The following FKBP5 variants were observed in gnomAD, a reference collection of about 807,000 sequenced individuals.
FKBP5 encodes peptidyl-prolyl cis-trans isomerase FKBP5.
FKBP5 carries 23 observed loss-of-function variants against 50.5 expected under a neutral mutation model. The ratio of observed to expected loss-of-function variants is 0.46; its 90% CI spans 0.33 to 0.65. The LOEUF (loss-of-function observed/expected upper bound fraction) is 0.65, where lower values mean the gene tolerates loss of function less well. FKBP5 is among the 30% of genes least tolerant of loss of function. The pLI, the probability that FKBP5 is intolerant of heterozygous loss-of-function variation, is 0.02. For synonymous variants in FKBP5, 176 were observed against 190.6 expected, an observed-to-expected ratio of 0.92 and a Z score of 0.63; for missense variants, 411 against 553.1, an observed-to-expected ratio of 0.74 and a Z score of 2.58.
chr6:35,592,315 CTT>C (rs920147364), intron 6 of FKBP5, among the ~76,000 whole-genome samples: 2 of 152,166 alleles, frequency 1.3e-5, no homozygotes, highest in African/African-American at 2.4e-5. Flanking sequence ...GCACCACTTT[CTT>C]TACCCTTTGC....
chr6:35,697,167 AG>A (rs1581892421), intron 2 of FKBP5, among the ~76,000 whole-genome samples: 1 of 152,232 alleles, frequency 6.6e-6, no homozygotes, highest in East Asian at 1.9e-4. Flanking sequence ...GATAGCCAAA[AG>A]GTGGGCCCAA....
intron 8 of FKBP5, chr6:35,581,576 C>T (rs1191084030): frequency 1.1e-5 from 11 of 972,392 alleles, no homozygotes; most frequent in African/African-American, 5.7e-5. Context: ...GGTGACAGAG[C>T]GAGACTCCTC....
intron 8 of FKBP5, chr6:35,583,187 G>A: frequency 1.0e-6 from 1 of 985,406 alleles, no homozygotes; most frequent in Non-Finnish European, 1.2e-6. Flanking sequence ...GAGATAGGAA[G>A]GACAGGCATT....
chr6:35,673,807 A>G (rs1765456234), intron 1 of FKBP5, among the ~76,000 whole-genome samples: 1 of 152,152 alleles, frequency 6.6e-6, no homozygotes, highest in Non-Finnish European at 1.5e-5. Flanking sequence ...GCTTAATAGT[A>G]ATAACAGAAA....
intron 5 of FKBP5, among the ~76,000 whole-genome samples, chr6:35,601,248 A>G (rs1763135962): frequency 6.6e-6 from 1 of 152,244 alleles, no homozygotes; most frequent in South Asian, 2.1e-4. Context: ...CCCAGTTTAT[A>G]TAAAAAACCA....
intron 1 of FKBP5, among the ~76,000 whole-genome samples, chr6:35,653,946 AT>A (rs1007644663): frequency 6.6e-5 from 10 of 152,166 alleles, no homozygotes; most frequent in African/African-American, 9.6e-5. Flanking sequence ...CTTAAAAAAA[AT>A]AATAAAAATA....
chr6:35,683,399 G>A (rs1765735916), intron 1 of FKBP5, among the ~76,000 whole-genome samples: 1 of 151,420 alleles, frequency 6.6e-6, no homozygotes, highest in South Asian at 2.1e-4. Flanking sequence ...CAACCCTCCT[G>A]CCTTGGCTTC....
intron 1 of FKBP5, among the ~76,000 whole-genome samples, chr6:35,687,818 T>C (rs1424288209): frequency 1.3e-5 from 2 of 152,202 alleles, no homozygotes; most frequent in Non-Finnish European, 2.9e-5. Context: ...CGCTTACAAC[T>C]TGAAACTTAC....
At chr6:35,634,004 A>G (rs555784545) in intron 3 of FKBP5, among the ~76,000 whole-genome samples, 1 of 152,346 alleles carries the variant, frequency 6.6e-6, no homozygotes, top group South Asian at 2.1e-4. Context: ...TATTTAAAAA[A>G]AATAACTCAG....
intron 1 of FKBP5, among the ~76,000 whole-genome samples, chr6:35,666,372 G>A (rs1765216177): frequency 1.7e-5 from 1 of 57,708 alleles, no homozygotes; most frequent in Admixed American, 2.1e-4. Flanking sequence ...AAAAATACAT[G>A]CAGAAACACT....
intron 2 of FKBP5, among the ~76,000 whole-genome samples, chr6:35,702,234 C>T (rs986077519): frequency 2.0e-5 from 3 of 152,018 alleles, no homozygotes; most frequent in Admixed American, 6.6e-5. Context: ...CTCACTATCT[C>T]GTTAGGTTTT....
chr6:35,676,856 G>T (rs114260876), intron 1 of FKBP5, among the ~76,000 whole-genome samples: 5,416 of 152,190 alleles, frequency 0.036, 304 homozygotes, highest in African/African-American at 0.12. Flanking sequence ...CACCCATTTG[G>T]AAAGGAATCA....
intron 3 of FKBP5, among the ~76,000 whole-genome samples, chr6:35,620,809 A>G (rs1763809150): frequency 6.6e-6 from 1 of 152,222 alleles, no homozygotes; most frequent in Admixed American, 6.5e-5. Context: ...TAAACTACTC[A>G]AAAATTAAGT....
chr6:35,632,043 TG>T (rs1324283945), intron 3 of FKBP5, among the ~76,000 whole-genome samples: 1 of 151,758 alleles, frequency 6.6e-6, no homozygotes, highest in African/African-American at 2.4e-5. Context: ...ATATATTTGC[TG>T]GGGGGAGTAG....
chr6:35,687,598 C>A (rs1765865481), intron 1 of FKBP5, among the ~76,000 whole-genome samples: 1 of 152,038 alleles, frequency 6.6e-6, no homozygotes, highest in African/African-American at 2.4e-5. Flanking sequence ...AATGGGAAGA[C>A]AATGAAAATA....
In FKBP5 at chr6:35,654,113, A is replaced by C. The variant is rs375990628; in HGVS notation, c.-19-11270T>G. On this transcript the variant is annotated intron_variant, in intron 1 of 10. Coordinates refer to ENST00000357266, the MANE Select transcript of FKBP5 (RefSeq NM_004117.4). ...CAATTGACAATGTCACAATGGGCTA[A>C]TACATGTGATACAAACAGTGTGGTT... Among the ~76,000 whole-genome samples, 10 of 152,360 alleles carry C rather than the reference A, an allele frequency of 6.6e-5. No homozygotes were observed. In the East Asian group the frequency reaches 1.7e-3, roughly 26 times the overall value.
chr6:35,586,222 T>C (rs1762593745), intron 8 of FKBP5: 1 of 985,110 alleles, frequency 1.0e-6, no homozygotes, highest in East Asian at 1.1e-4. Context: ...GGTTTCTTTT[T>C]TTCTTACATC....
rs1581773881 is a variant in FKBP5, at chr6:35,574,205, A to G, written c.*1630T>C. On this transcript the variant is annotated 3_prime_UTR_variant, in exon 11 of 11. Coordinates refer to ENST00000357266, the MANE Select transcript of FKBP5 (RefSeq NM_004117.4). ...CTCACAAATTGATCCCATTTGTTCC[A>G]TGGGGAAGAAAAGTATTATAAAAGG... 6.6e-6 allele frequency: 1 copy of G among 152,344 alleles called. No homozygotes were observed. Among genetic ancestry groups the G allele is most frequent in the East Asian group, 1.9e-4 (1 of 5,194 alleles). 9.4% of individuals were successfully genotyped at this position (152,344 alleles called of 1,614,324 possible).
chr6:35,601,948 C>G (rs931742362), intron 5 of FKBP5, among the ~76,000 whole-genome samples: 18 of 152,136 alleles, frequency 1.2e-4, no homozygotes, highest in African/African-American at 4.3e-4. Flanking sequence ...AAAGTCAAAC[C>G]AAACCAAATT....
Sources: allele counts gnomAD v4.1 joint callset (sites outside exome capture counted in the v4.1 genomes callset), GRCh38; gene constraint gnomAD v4.1.1; transcripts MANE v1.5; gene names NCBI Gene and HGNC (gene_info 2026-07-23, HGNC 2026-07-21).